DLG2: variants seen among roughly 807,000 people sequenced by gnomAD.
DLG2 encodes disks large homolog 2.
A neutral mutation model predicts 132.5 loss-of-function variants in DLG2; 45 were observed. The ratio of observed to expected loss-of-function variants is 0.34; its 90% confidence interval spans 0.27 to 0.44. The LOEUF (loss-of-function observed/expected upper bound fraction) is 0.44. DLG2 is among the 20% of genes least tolerant of loss of function. The pLI is 1.00. For synonymous variants in DLG2, 424 were observed against 419.6 expected, an observed-to-expected ratio of 1.01 and a Z score of -0.13; for missense variants, 1,045 against 1,196.9, an observed-to-expected ratio of 0.87 and a Z score of 1.87.
chr11:83,867,400 C>T (rs901998925), intron 16 of DLG2, among the ~76,000 whole-genome samples: 6 of 152,166 alleles, frequency 3.9e-5, no homozygotes, highest in African/African-American at 1.4e-4. Flanking sequence ...ATATTTTTAG[C>T]CCTTAAATAT....
rs762936667 is a variant in DLG2, at chr11:83,459,854, C to T, written c.2892G>A (p.Gly964=). The T allele has an allele frequency of 1.9e-6, 3 of 1,611,616 alleles. No homozygotes were observed. Among genetic ancestry groups the T allele is most frequent in the Middle Eastern group, 3.3e-4 (2 of 6,062 alleles). The part of the protein sequence containing the change: ...QCKLVIEEQS[G]PFIWIPSKEK... ...CCTTTGAGGGAATCCAGATGAAAGG[C>T]CCAGATTGCTCTTCAATAACAAGCT... Residue 964 remains glycine, a synonymous_variant, in exon 28 of 28, where the codon GGG becomes GGA. Transcript: ENST00000376104.
intron 21 of DLG2, among the ~76,000 whole-genome samples, chr11:83,494,344 C>A (rs971858046): frequency 6.7e-5 from 10 of 150,104 alleles, no homozygotes; most frequent in African/African-American, 2.2e-4. Flanking sequence ...TAGATTATTT[C>A]TTGTAAACCC....
intron 18 of DLG2, among the ~76,000 whole-genome samples, chr11:83,751,823 A>C (rs1370930755): frequency 6.6e-6 from 1 of 152,248 alleles, no homozygotes; most frequent in Non-Finnish European, 1.5e-5. Flanking sequence ...TAAGTAGAGA[A>C]GTCAAATGGG....
intron 18 of DLG2, among the ~76,000 whole-genome samples, chr11:83,784,634 A>G (rs1161093507): frequency 6.6e-6 from 1 of 152,236 alleles, no homozygotes; most frequent in Non-Finnish European, 1.5e-5. Context: ...CATAGTAACC[A>G]AATTAAACAT....
chr11:85,269,825 T>C (rs191027357), intron 4 of DLG2, among the ~76,000 whole-genome samples: 1 of 152,360 alleles, frequency 6.6e-6, no homozygotes, highest in East Asian at 1.9e-4. Context: ...TTTCACTTAC[T>C]GGTTGTGTAA....
At chr11:84,238,043 A>T (rs1439995048) in intron 8 of DLG2, among the ~76,000 whole-genome samples, 2 of 14,440 alleles carry the variant, frequency 1.4e-4, no homozygotes, top group African/African-American at 2.6e-4. Context: ...GACTCTGCCT[A>T]AAAAAAAAAA....
In DLG2 at chr11:84,821,665, A is replaced by G. The variant is rs186462072; in HGVS notation, c.358-286934T>C. On this transcript the variant is annotated intron_variant, in intron 6 of 27. Transcript: ENST00000376104. ...AACAACAACAACAAAAAAAACAAAA[A>G]AACAACTTTGGTTAAACTTCTAGTC... is the stretch of plus-strand genomic sequence containing the variant. Among the ~76,000 whole-genome samples the G allele has an allele frequency of 2.4e-3, 363 of 151,522 alleles. 2 individuals carry two copies. The highest frequency in any genetic ancestry group is 8.5e-3 in the African/African-American group (351 of 41,442).
At chr11:83,970,302 A>G (rs1426825863) in intron 12 of DLG2, among the ~76,000 whole-genome samples, 8 of 152,202 alleles carry the variant, frequency 5.3e-5, no homozygotes, top group African/African-American at 1.7e-4. Context: ...CAACATTTTC[A>G]TAGAGTGACT....
At chr11:85,029,952 T>C (rs1007166476) in intron 6 of DLG2, among the ~76,000 whole-genome samples, 2 of 152,128 alleles carry the variant, frequency 1.3e-5, no homozygotes, top group African/African-American at 4.8e-5. Context: ...ATTCCTGACC[T>C]CAAATAAGGC....
At chr11:84,213,083 A>G (rs1255026087) in intron 8 of DLG2, among the ~76,000 whole-genome samples, 1 of 152,164 alleles carries the variant, frequency 6.6e-6, no homozygotes, top group Non-Finnish European at 1.5e-5. Context: ...ACAGTTTACC[A>G]ACTCCCTAGG....
chr11:84,090,758 C>G (rs2097078527), intron 10 of DLG2, among the ~76,000 whole-genome samples: 1 of 152,038 alleles, frequency 6.6e-6, no homozygotes, highest in Non-Finnish European at 1.5e-5. Context: ...TTCAGAAATT[C>G]TATAGTAGAA....
chr11:84,850,271 T>C (rs1217302835), intron 6 of DLG2, among the ~76,000 whole-genome samples: 1 of 152,134 alleles, frequency 6.6e-6, no homozygotes, highest in African/African-American at 2.4e-5. Context: ...CATCTTATTA[T>C]TTCCCCAAAT....
At chr11:84,305,903 T>C (rs2098212650) in intron 7 of DLG2, among the ~76,000 whole-genome samples, 1 of 152,168 alleles carries the variant, frequency 6.6e-6, no homozygotes, top group Non-Finnish European at 1.5e-5. Context: ...TTTCTTATTA[T>C]GCTTTAAAGT....
intron 19 of DLG2, among the ~76,000 whole-genome samples, chr11:83,587,388 G>C (rs1391118230): frequency 6.6e-6 from 1 of 151,848 alleles, no homozygotes; most frequent in Admixed American, 6.6e-5. Flanking sequence ...TCCCACCTCA[G>C]CCTCCCAAGT....
intron 3 of DLG2, among the ~76,000 whole-genome samples, chr11:85,539,384 T>C (rs956321232): frequency 1.3e-5 from 2 of 152,220 alleles, no homozygotes; most frequent in Non-Finnish European, 2.9e-5. Flanking sequence ...TTTTCTCCCA[T>C]TAATCTTCCT....
chr11:85,289,194 A>T (rs912644264), intron 3 of DLG2, among the ~76,000 whole-genome samples: 2 of 152,168 alleles, frequency 1.3e-5, no homozygotes, highest in African/African-American at 4.8e-5. Flanking sequence ...GTCAAATTTC[A>T]CTTTTGGTTA....
At chr11:85,358,008 A>G (rs2083870520) in intron 3 of DLG2, among the ~76,000 whole-genome samples, 1 of 151,834 alleles carries the variant, frequency 6.6e-6, no homozygotes, top group African/African-American at 2.4e-5. Context: ...TTAGAAATAA[A>G]GGAAAAGGAT....
chr11:84,336,914 G>A (rs80037157), intron 7 of DLG2, among the ~76,000 whole-genome samples: 2,150 of 152,090 alleles, frequency 0.014, 52 homozygotes, highest in African/African-American at 0.049. Flanking sequence ...CAATCCAAGG[G>A]GATGCCTTCT....
intron 3 of DLG2, among the ~76,000 whole-genome samples, chr11:85,375,244 G>A (rs1321080902): frequency 1.3e-5 from 2 of 152,120 alleles, no homozygotes; most frequent in Non-Finnish European, 2.9e-5. Flanking sequence ...TAGAATATTG[G>A]AGAATAAGCA....
Sources: gnomAD v4.1 joint callset for allele counts (sites outside exome capture counted in the v4.1 genomes callset) on GRCh38, gnomAD v4.1.1 for gene constraint, MANE v1.5 for transcripts, NCBI Gene and HGNC (gene_info 2026-07-23, HGNC 2026-07-21) for gene names.